Variants in MCF2L2 observed in about 807,000 individuals in gnomAD.
MCF2L2 encodes MCF.2 cell line derived transforming sequence-like 2, also known as probable guanine nucleotide exchange factor MCF2L2.
A neutral mutation model predicts 150.2 loss-of-function variants in MCF2L2; 102 were observed. That is an observed-to-expected ratio of 0.68 (90% CI 0.58 to 0.80). The LOEUF is 0.80. Ranked by LOEUF, MCF2L2 falls within the 30% of genes least tolerant of loss-of-function variation. The pLI, the probability that MCF2L2 is intolerant of heterozygous loss-of-function variation, is 0.00. For missense variants in MCF2L2, 1,256 were observed against 1,372.8 expected, an observed-to-expected ratio of 0.91 and a Z score of 1.34; for synonymous variants, 465 against 491.3, an observed-to-expected ratio of 0.95 and a Z score of 0.71.
intron 1 of MCF2L2, among the ~76,000 whole-genome samples, chr3:183,396,094 T>TG (rs1375053847): frequency 1.3e-5 from 2 of 151,414 alleles, no homozygotes; most frequent in Non-Finnish European, 2.9e-5. Flanking sequence ...TTGGCTGCCC[T>TG]GGGCACTCAT....
At chr3:183,281,532 C>T (rs1430558380) in intron 14 of MCF2L2, among the ~76,000 whole-genome samples, 2 of 152,106 alleles carry the variant, frequency 1.3e-5, no homozygotes, top group Non-Finnish European at 2.9e-5. Flanking sequence ...GCCGCAAAAG[C>T]CACTTAAATA....
At chr3:183,284,221 G>T (rs1347155986) in intron 14 of MCF2L2, among the ~76,000 whole-genome samples, 3 of 152,064 alleles carry the variant, frequency 2.0e-5, no homozygotes, top group Admixed American at 1.3e-4. Flanking sequence ...CATTCTCATA[G>T]ATTAATGTAA....
chr3:183,407,261 C>T (rs1463329775), intron 1 of MCF2L2, among the ~76,000 whole-genome samples: 1 of 152,154 alleles, frequency 6.6e-6, no homozygotes, highest in Non-Finnish European at 1.5e-5. Flanking sequence ...GATTACTTTG[C>T]TTTAAAGTAA....
chr3:183,282,294 T>C (rs929628438), intron 14 of MCF2L2, among the ~76,000 whole-genome samples: 3 of 151,992 alleles, frequency 2.0e-5, no homozygotes, highest in African/African-American at 7.2e-5. Context: ...TTCTCCTGCC[T>C]CAGCCTCCCG....
chr3:183,188,131 G>A (rs556993458), intron 27 of MCF2L2, among the ~76,000 whole-genome samples: 1 of 152,296 alleles, frequency 6.6e-6, no homozygotes, highest in East Asian at 1.9e-4. Flanking sequence ...AGCCTGATAA[G>A]AGTCTAGGAC....
Position 183,341,631 on chromosome 3 carries a change from C to A in MCF2L2, c.276-1G>T, listed in dbSNP as rs145283103. 14 of 1,611,492 alleles carry A rather than the reference C, an allele frequency of 8.7e-6. No individual in the cohort carries two copies. Among genetic ancestry groups the A allele is most frequent in the East Asian group, 2.2e-5 (1 of 44,876 alleles). On this transcript the variant is annotated splice_acceptor_variant, in intron 3 of 29. Coordinates refer to ENST00000328913, the MANE Select transcript of MCF2L2 (RefSeq NM_015078.4). LOFTEE classifies it high-confidence loss of function. ...GAATCCAATGCTGGCAGCCTCCACA[C>A]TGCAAAGAAGGGTGGTCAGTGTCAG...
chr3:183,286,223 G>A (rs971954917), intron 14 of MCF2L2, among the ~76,000 whole-genome samples: 2 of 152,084 alleles, frequency 1.3e-5, no homozygotes, highest in African/African-American at 2.4e-5. Context: ...ATCAGTGACT[G>A]TATTATAGAT....
chr3:183,299,826 C>T (rs144288201), intron 11 of MCF2L2, 179 bp downstream of exon 11: 6 of 611,246 alleles, frequency 9.8e-6, no homozygotes, highest in East Asian at 3.2e-5. Flanking sequence ...TTTTTACCTT[C>T]GTGCCAGGTA....
chr3:183,371,327 C>T (rs773091885), intron 3 of MCF2L2, among the ~76,000 whole-genome samples: 15 of 152,004 alleles, frequency 9.9e-5, no homozygotes, highest in Middle Eastern at 3.2e-3. Flanking sequence ...TTTAAGGAGA[C>T]GTGAGACATC....
chr3:183,214,310 T>C (rs77131825), intron 22 of MCF2L2, among the ~76,000 whole-genome samples: 5 of 152,194 alleles, frequency 3.3e-5, no homozygotes, highest in Non-Finnish European at 5.9e-5. Context: ...AAAATGATCC[T>C]TATACACACC....
In MCF2L2 at chr3:183,270,985, GAAA is replaced by G; in HGVS notation, c.1862+5884_1862+5886del. 6.8e-7 allele frequency: 1 copy of G among 1,478,730 alleles called. No individual in the cohort carries two copies. The highest frequency in any genetic ancestry group is 9.1e-7 in the Non-Finnish European group (1 of 1,104,124). 91.6% of individuals were successfully genotyped at this position (1,478,730 alleles called of 1,614,324 possible). On this transcript the variant is annotated intron_variant, in intron 15 of 29. Coordinates refer to ENST00000328913, the MANE Select transcript of MCF2L2 (RefSeq NM_015078.4). The surrounding 1 kb of genome is among the most constrained non-coding windows in gnomAD (Gnocchi z 4.5). ...CACTGTCACTGAGTCAAACCTGGAT[GAAA>G]AAAACCTTTAAATGTTCGTCTATAC...
rs562708542 is a variant in MCF2L2 at position 183,289,618 on chromosome 3, G to A, written c.1676-398C>T. The stretch of plus-strand genomic sequence containing the variant: ...CACCTGTAATCCCAGCACTTTGGGA[G>A]GCTGAGGCGGGCAGATCACCTGAGG... On this transcript the variant is annotated intron_variant, in intron 13 of 29. Coordinates refer to ENST00000328913, the MANE Select transcript of MCF2L2 (RefSeq NM_015078.4). Among the ~76,000 whole-genome samples, 38 of 152,344 alleles carry A rather than the reference G, an allele frequency of 2.5e-4. No individual in the cohort carries two copies. The South Asian group carries it at 3.9e-3, about 16-fold the overall frequency.
chr3:183,195,301 A>G, intron 25 of MCF2L2, 46 bp from the exon 26 acceptor site: 1 of 1,346,362 alleles, frequency 7.4e-7, no homozygotes, highest in South Asian at 1.2e-5. Context: ...ATTTAAGCTA[A>G]TTTGAATTGA....
chr3:183,359,025 T>C (rs970984628), intron 3 of MCF2L2, among the ~76,000 whole-genome samples: 1 of 151,426 alleles, frequency 6.6e-6, no homozygotes, highest in Non-Finnish European at 1.5e-5. Context: ...TTTCTGTTTT[T>C]CTTAAATTCT....
chr3:183,333,746 C>T (rs6777293), intron 5 of MCF2L2, among the ~76,000 whole-genome samples: 39,496 of 151,886 alleles, frequency 0.26, 7,376 homozygotes, highest in African/African-American at 0.53. Flanking sequence ...TGTGCATATA[C>T]GTGCATATAT....
chr3:183,262,278 A>G (rs1448008409), intron 15 of MCF2L2, among the ~76,000 whole-genome samples: 3 of 151,358 alleles, frequency 2.0e-5, no homozygotes, highest in East Asian at 3.9e-4. Context: ...ATACATACAT[A>G]TACTAAGAAT....
At chr3:183,301,904 G>C (rs1728869139) in intron 10 of MCF2L2, among the ~76,000 whole-genome samples, 1 of 152,154 alleles carries the variant, frequency 6.6e-6, no homozygotes, top group Admixed American at 6.5e-5. Flanking sequence ...TTTTTGGGAA[G>C]GTTTCCTCCA....
At chr3:183,292,853 C>G (rs997131905) in intron 13 of MCF2L2, among the ~76,000 whole-genome samples, 14 of 151,820 alleles carry the variant, frequency 9.2e-5, no homozygotes, top group African/African-American at 3.4e-4. Flanking sequence ...TGGTGAAAAA[C>G]AGTACAAAGA....
intron 7 of MCF2L2, among the ~76,000 whole-genome samples, chr3:183,314,095 T>C (rs1486685617): frequency 1.3e-5 from 2 of 152,220 alleles, no homozygotes; most frequent in East Asian, 3.8e-4. Context: ...AGACTTGCTC[T>C]TCCTTTCTGT....
Sources: allele counts gnomAD v4.1 joint callset (sites outside exome capture counted in the v4.1 genomes callset), GRCh38; gene constraint gnomAD v4.1.1; non-coding constraint Gnocchi (gnomAD v3.1); transcripts MANE v1.5; gene names NCBI Gene and HGNC (gene_info 2026-07-23, HGNC 2026-07-21).